Variants in AUH observed in about 807,000 individuals in gnomAD.
AUH encodes AU RNA binding methylglutaconyl-CoA hydratase.
Under a neutral mutation model 42.3 loss-of-function variants are expected in AUH, and 29 were observed. That is an observed-to-expected ratio of 0.69 (90% CI 0.51 to 0.93). The LOEUF (loss-of-function observed/expected upper bound fraction) is 0.93, where lower values mean the gene tolerates loss of function less well. Among genes scored for constraint, AUH ranks in the 40% least tolerant of loss-of-function variants. The pLI is 0.00. For missense variants in AUH, 452 were observed against 438.1 expected, an observed-to-expected ratio of 1.03 and a Z score of -0.28; for synonymous variants, 174 against 166.4, an observed-to-expected ratio of 1.05 and a Z score of -0.35.
At chr9:91,321,480 C>T (rs989012724) in intron 4 of AUH, among the ~76,000 whole-genome samples, 1 of 151,940 alleles carries the variant, frequency 6.6e-6, no homozygotes, top group Admixed American at 6.5e-5. Flanking sequence ...CCTATCAAAG[C>T]GAAGACCTTA....
intron 6 of AUH, among the ~76,000 whole-genome samples, chr9:91,241,498 T>C (rs1251655513): frequency 6.6e-6 from 1 of 152,118 alleles, no homozygotes; most frequent in East Asian, 1.9e-4. Context: ...CTTTTTGAGA[T>C]TTTGTGTTAG....
intron 1 of AUH, among the ~76,000 whole-genome samples, chr9:91,360,124 C>T (rs916743551): frequency 5.3e-5 from 8 of 152,146 alleles, no homozygotes; most frequent in African/African-American, 1.9e-4. Context: ...TCTGTCCAGA[C>T]ATTCTGCACA....
intron 3 of AUH, among the ~76,000 whole-genome samples, chr9:91,352,972 T>C (rs991596230): frequency 6.6e-6 from 1 of 152,206 alleles, no homozygotes; most frequent in African/African-American, 2.4e-5. Flanking sequence ...GAATACAGTA[T>C]TAATATATAC....
rs546103332 is a variant in AUH, at chr9:91,230,331, T to A, written c.656-9339A>T. ...ATCTTCCATTGCTGATACCTTTTCT[T>A]CCAGTTGATCGCAGCGGCTCCTGAG... is the stretch of plus-strand genomic sequence containing the variant. On this transcript the variant is annotated intron_variant, in intron 6 of 9. Coordinates refer to ENST00000375731, the MANE Select transcript of AUH (RefSeq NM_001698.3). 3.9e-5 allele frequency among the ~76,000 whole-genome samples: 6 copies of A among 152,336 alleles called. No individual in the cohort carries two copies. The East Asian group carries it at 1.2e-3, about 29-fold the overall frequency.
intron 6 of AUH, among the ~76,000 whole-genome samples, chr9:91,235,676 C>G (rs1332678089): frequency 6.6e-6 from 1 of 152,204 alleles, no homozygotes; most frequent in Non-Finnish European, 1.5e-5. Context: ...TGCTCAGGTG[C>G]AGCCAACCAC....
chr9:91,321,062 G>T (rs574310509), intron 4 of AUH, among the ~76,000 whole-genome samples: 5 of 152,152 alleles, frequency 3.3e-5, no homozygotes, highest in Non-Finnish European at 1.5e-5. Context: ...TTTATCACAT[G>T]CAGCAACTCT....
chr9:91,237,714 G>A (rs1355647424), intron 6 of AUH, among the ~76,000 whole-genome samples: 1 of 152,152 alleles, frequency 6.6e-6, no homozygotes, highest in Non-Finnish European at 1.5e-5. Context: ...GATTGGCTGT[G>A]AAGTCCTTTT....
chr9:91,232,994 TA>T lies in AUH; in HGVS notation c.656-12003del. ...CATTTTGGAATTCCTCCTTTAAAAC[TA>T]ATTTCACAGATGACAACCCATTTTT... On this transcript the variant is annotated intron_variant, in intron 6 of 9. Coordinates refer to ENST00000375731, the MANE Select transcript of AUH (RefSeq NM_001698.3). Among the ~76,000 whole-genome samples the T allele has an allele frequency of 2.6e-5, 4 of 152,326 alleles. No homozygotes were observed. The South Asian group carries it at 8.3e-4, about 32-fold the overall frequency.
chr9:91,273,206 G>A (rs1825291538), intron 6 of AUH, among the ~76,000 whole-genome samples: 1 of 152,218 alleles, frequency 6.6e-6, no homozygotes, highest in African/African-American at 2.4e-5. Context: ...GCCCTGGGCA[G>A]AGACAAAGCT....
In AUH at chr9:91,361,637, C is replaced by T. The variant is rs940124410; in HGVS notation, c.253G>A (p.Glu85Lys). ...AGCGTTCGCACCTCACCTCGGTTCTCCTCCTCCAGGTGCCGCACCCGCAGC... is the reference window on the plus strand; with the variant it reads ...AGCGTTCGCACCTCACCTCGGTTCTTCTCCTCCAGGTGCCGCACCCGCAGC... ...DELRVRHLEEENRGIVVLGIN... is the reference protein window; with the variant it reads ...DELRVRHLEEKNRGIVVLGIN... The change falls in exon 1 of 10, where the codon GAG (glutamate) becomes AAG (lysine). Residue 85 changes from glutamate (E) to lysine (K), a missense_variant. Physicochemically the swap from Glu to Lys is moderately conservative, Grantham distance 56 (BLOSUM62 1). Transcript: ENST00000375731. 6.3e-7 allele frequency: 1 copy of T among 1,583,484 alleles called. No homozygotes were observed. The highest frequency in any genetic ancestry group is 1.2e-5 in the South Asian group (1 of 86,506).
At chr9:91,331,703 TAATA>T (rs1189704028) in intron 3 of AUH, among the ~76,000 whole-genome samples, 1 of 152,266 alleles carries the variant, frequency 6.6e-6, no homozygotes, top group Non-Finnish European at 1.5e-5. Context: ...TTCAGTGTTT[TAATA>T]AATTCCTTCT....
At chr9:91,351,070 T>C (rs551047770) in intron 3 of AUH, among the ~76,000 whole-genome samples, 86 of 152,114 alleles carry the variant, frequency 5.7e-4, no homozygotes, top group Middle Eastern at 3.4e-3. Context: ...TCCAAGCTCA[T>C]GCGACTCTCC....
intron 6 of AUH, among the ~76,000 whole-genome samples, chr9:91,290,712 T>C (rs560259398): frequency 5.3e-5 from 8 of 152,316 alleles, no homozygotes; most frequent in South Asian, 2.1e-4. Context: ...GAGGTTGTTA[T>C]AGCATAATCT....
At chr9:91,259,446 A>C (rs947388238) in intron 6 of AUH, among the ~76,000 whole-genome samples, 10 of 151,000 alleles carry the variant, frequency 6.6e-5, no homozygotes, top group Non-Finnish European at 1.0e-4. Flanking sequence ...TTTTTTAAAC[A>C]TTTTCAAAGA....
chr9:91,254,318 G>C (rs1031905106), intron 6 of AUH, among the ~76,000 whole-genome samples: 4 of 152,142 alleles, frequency 2.6e-5, no homozygotes, highest in African/African-American at 9.7e-5. Flanking sequence ...AGGGGCACTG[G>C]GAACAAGAAG....
At chr9:91,310,553 A>T (rs1828623670) in intron 4 of AUH, among the ~76,000 whole-genome samples, 1 of 152,376 alleles carries the variant, frequency 6.6e-6, no homozygotes, top group East Asian at 1.9e-4. Flanking sequence ...TTCCACATCA[A>T]GAGATCAAGA....
intron 6 of AUH, among the ~76,000 whole-genome samples, chr9:91,292,916 C>T (rs1388431772): frequency 6.6e-6 from 1 of 152,108 alleles, no homozygotes; most frequent in Non-Finnish European, 1.5e-5. Context: ...TATGTGCTTA[C>T]TTCATGTCTC....
At position 91,355,976 on chromosome 9, in the gene AUH, C is replaced by T. The variant is rs10991898; in HGVS notation, c.331-6G>A. 166,179 of 1,608,060 alleles carry T rather than the reference C, an allele frequency of 0.1. 9,082 individuals carry two copies. The highest frequency in any genetic ancestry group is 0.18 in the Middle Eastern group (1,119 of 6,056). ...GCATCCACAGCTTTTGATAGCTAAA[C>T]AGAAATAGGAAGCATAGGAGGAAAA... is the stretch of plus-strand genomic sequence containing the variant. On this transcript the variant is annotated splice_polypyrimidine_tract_variant and splice_region_variant and intron_variant, in intron 2 of 9. Coordinates refer to ENST00000375731, the MANE Select transcript of AUH (RefSeq NM_001698.3).
intron 6 of AUH, among the ~76,000 whole-genome samples, chr9:91,284,361 T>C (rs1351228803): frequency 6.6e-6 from 1 of 152,070 alleles, no homozygotes; most frequent in Non-Finnish European, 1.5e-5. Flanking sequence ...ATAAAAACCC[T>C]AGAAGAAAAC....
Sources: gnomAD v4.1 joint callset for allele counts (sites outside exome capture counted in the v4.1 genomes callset) on GRCh38, gnomAD v4.1.1 for gene constraint, MANE v1.5 for transcripts, NCBI Gene and HGNC (gene_info 2026-07-23, HGNC 2026-07-21) for gene names.